The following PSMD5 variants were observed in gnomAD, a reference collection of about 807,000 sequenced individuals.
PSMD5 encodes the protein proteasome 26S subunit, non-ATPase 5.
PSMD5 carries 40 observed loss-of-function variants against 52.1 expected under a neutral mutation model. The observed-to-expected ratio is 0.77, with a 90% CI of 0.60 to 1.00. The LOEUF is 1.00. Ranked by LOEUF, PSMD5 falls within the 50% of genes least tolerant of loss-of-function variation. The pLI is 0.00. For synonymous variants in PSMD5, 211 were observed against 226.6 expected (o/e 0.93, Z 0.62); for missense variants, 575 against 605.2 (o/e 0.95, Z 0.52).
chr9:120,831,655 G>A, intron 3 of PSMD5, 177 bp downstream of exon 3: 1 of 1,108,024 alleles, frequency 9.0e-7, no homozygotes, highest in Non-Finnish European at 1.2e-6. Flanking sequence ...AAAATGAAAG[G>A]GGTTTACTAG....
intron 7 of PSMD5, chr9:120,824,095 C>T (rs1338401520): frequency 6.2e-6 from 1 of 162,080 alleles, no homozygotes; most frequent in Non-Finnish European, 1.2e-5. Context: ...AACAGAGAGA[C>T]ACTCTCAATC....
At chr9:120,825,401 T>G (rs1446654401) in intron 6 of PSMD5, among the ~76,000 whole-genome samples, 1 of 152,198 alleles carries the variant, frequency 6.6e-6, no homozygotes, top group Non-Finnish European at 1.5e-5. Context: ...TTGTGAACAA[T>G]GTATTCTGAA....
intron 7 of PSMD5, among the ~76,000 whole-genome samples, chr9:120,821,909 C>T (rs1204679816): frequency 1.3e-5 from 2 of 152,162 alleles, no homozygotes; most frequent in Non-Finnish European, 2.9e-5. Context: ...TTTATTGATT[C>T]ATCTATCAAT....
chr9:120,817,969 G>C lies in PSMD5; in HGVS notation c.1452C>G (p.Tyr484Ter). 1 of 1,614,156 alleles carries C rather than the reference G, an allele frequency of 6.2e-7. No individual in the cohort carries two copies. Among genetic ancestry groups the C allele is most frequent in the Non-Finnish European group, 8.5e-7 (1 of 1,180,010 alleles). Residue 484 changes from tyrosine to a stop codon, truncating the protein, a stop_gained, in exon 10 of 10, where the codon TAC becomes TAG. Transcript: ENST00000210313. LOFTEE classifies it high-confidence loss of function. ...TCACATAGTATGGCCCTTCACTCAG[G>C]TAAGTTCTGAGCCTCAAATAATTTG... ...GNPNYLRLRT[Y>*]LSEGPYYVKP...
In PSMD5 at chr9:120,821,341, C is replaced by A; in HGVS notation, c.1116+14G>T. Reference sequence around the variant, plus strand: ...CATATCCCACTGTCCTTCATTATTTCCCTACCTACTTACTGGTAAGTACAG... The same window carrying A: ...CATATCCCACTGTCCTTCATTATTTACCTACCTACTTACTGGTAAGTACAG... On this transcript the variant is annotated intron_variant, in intron 8 of 9. Coordinates refer to ENST00000210313, the MANE Select transcript of PSMD5 (RefSeq NM_005047.4). 6.8e-7 allele frequency: 1 copy of A among 1,476,266 alleles called. No homozygotes were observed. Among genetic ancestry groups the A allele is most frequent in the South Asian group, 1.2e-5 (1 of 81,018 alleles). 91.4% of individuals were successfully genotyped at this position (1,476,266 alleles called of 1,614,324 possible). A position where few individuals can be genotyped will look rare whatever the true frequency, so the allele number is the denominator to read the frequency against.
At chr9:120,837,364 C>T (rs756961259) in intron 1 of PSMD5, among the ~76,000 whole-genome samples, 2 of 152,108 alleles carry the variant, frequency 1.3e-5, no homozygotes, top group Non-Finnish European at 2.9e-5. Context: ...CTTTGTATCA[C>T]TTTGTTCTTT....
chr9:120,840,999 G>C (rs368300846), intron 1 of PSMD5, among the ~76,000 whole-genome samples: 2 of 152,032 alleles, frequency 1.3e-5, no homozygotes, highest in South Asian at 4.2e-4. Context: ...TGATCTGCCC[G>C]CCTCAGCCTC....
chr9:120,819,298 A>G (rs2045066651), intron 9 of PSMD5, among the ~76,000 whole-genome samples: 1 of 152,232 alleles, frequency 6.6e-6, no homozygotes, highest in African/African-American at 2.4e-5. Context: ...CTACATTTTA[A>G]TAAGATTCCT....
At chr9:120,823,117 A>G (rs1458880995) in intron 7 of PSMD5, among the ~76,000 whole-genome samples, 1 of 152,130 alleles carries the variant, frequency 6.6e-6, no homozygotes, top group Non-Finnish European at 1.5e-5. Context: ...TATGTGTCTC[A>G]AGAATTTTAA....
chr9:120,840,633 T>G (rs7044217), intron 1 of PSMD5, among the ~76,000 whole-genome samples: 3,582 of 148,604 alleles, frequency 0.024, 150 homozygotes, highest in African/African-American at 0.082. Context: ...TTTTTTTTTT[T>G]TTTTGAGACG....
chr9:120,824,328 C>A, intron 7 of PSMD5, 166 bp downstream of exon 7: 1 of 688,936 alleles, frequency 1.5e-6, no homozygotes, highest in South Asian at 1.8e-5. Context: ...AAAGGTTTTC[C>A]GTAATAATTA....
rs2045164177 is a variant in PSMD5, at chr9:120,831,930, C to T, written c.334G>A (p.Glu112Lys). 2 of 1,612,068 alleles carry T rather than the reference C, an allele frequency of 1.2e-6. No individual in the cohort carries two copies. Among genetic ancestry groups the T allele is most frequent in the African/African-American group, 1.3e-5 (1 of 74,852 alleles). Residue 112 changes from glutamate (E) to lysine (K), a missense_variant, in exon 3 of 10, where the codon GAA (glutamate) becomes AAA (lysine). Coordinates refer to ENST00000210313, the MANE Select transcript of PSMD5 (RefSeq NM_005047.4). ...LTLSQIGRIV[E>K]NSDAVTEILN... ...ATCTCAGTAACAGCATCAGAATTTT[C>T]AACAATTCTTCCAATCTGAAAGAAA...
At chr9:120,828,721 C>T (rs564703120) in intron 5 of PSMD5, among the ~76,000 whole-genome samples, 9 of 152,270 alleles carry the variant, frequency 5.9e-5, no homozygotes, top group Non-Finnish European at 1.0e-4. Flanking sequence ...CCACCGCACC[C>T]GGCCTAGCCC....
intron 5 of PSMD5, among the ~76,000 whole-genome samples, chr9:120,828,467 A>T (rs1366966979): frequency 7.7e-6 from 1 of 130,500 alleles, no homozygotes; most frequent in Admixed American, 8.3e-5. Flanking sequence ...TTTTTGAGAC[A>T]GAGTCTTACT....
intron 1 of PSMD5, among the ~76,000 whole-genome samples, chr9:120,839,798 C>CTTTT (rs5900462): frequency 5.1e-5 from 4 of 78,532 alleles, no homozygotes; most frequent in Non-Finnish European, 7.6e-5. Flanking sequence ...TTTTTTTAAT[C>CTTTT]TTTTTTTTTT....
intron 1 of PSMD5, among the ~76,000 whole-genome samples, chr9:120,835,765 T>A (rs1276917033): frequency 1.3e-5 from 2 of 151,956 alleles, no homozygotes; most frequent in Admixed American, 6.6e-5. Context: ...AGTAGATTCC[T>A]GGTTGCCAGA....
intron 5 of PSMD5, among the ~76,000 whole-genome samples, chr9:120,828,121 C>A (rs2045135335): frequency 6.6e-6 from 1 of 152,100 alleles, no homozygotes; most frequent in African/African-American, 2.4e-5. Flanking sequence ...CTCAGCCTTC[C>A]CAGTAGCTAG....
chr9:120,824,815 C>T, intron 6 of PSMD5, 130 bp from the exon 7 acceptor site: 3 of 736,182 alleles, frequency 4.1e-6, no homozygotes, highest in Non-Finnish European at 6.4e-6. Context: ...TAGTGTGTTG[C>T]CTGGAGATCA....
chr9:120,826,868 A>G lies in PSMD5; in HGVS notation c.711T>C (p.Thr237=), dbSNP rs1282043058. 3 of 1,613,550 alleles carry G rather than the reference A, an allele frequency of 1.9e-6. No individual in the cohort carries two copies. The highest frequency in any genetic ancestry group is 2.5e-6 in the Non-Finnish European group (3 of 1,179,638). The change falls in exon 6 of 10, where the codon ACT becomes ACC. Residue 237 remains threonine (T), a synonymous_variant. Coordinates refer to ENST00000210313, the MANE Select transcript of PSMD5 (RefSeq NM_005047.4). ...CIEMVTSLAY[T]HHGRQYLAQE... ...GAGCAAGATATTGTCGCCCATGATGAGTATATGCCAGTGATGTCACCATTT... is the reference window on the plus strand; with the variant it reads ...GAGCAAGATATTGTCGCCCATGATGGGTATATGCCAGTGATGTCACCATTT...
Sources: gnomAD v4.1 joint callset for allele counts (sites outside exome capture counted in the v4.1 genomes callset) on GRCh38, gnomAD v4.1.1 for gene constraint, MANE v1.5 for transcripts, NCBI Gene and HGNC (gene_info 2026-07-23, HGNC 2026-07-21) for gene names.